Variants in HCN1 observed in about 807,000 individuals in gnomAD.
HCN1 encodes potassium/sodium hyperpolarization-activated cyclic nucleotide-gated channel 1.
Under a neutral mutation model 78.9 loss-of-function variants are expected in HCN1, and 13 were observed. That is an observed-to-expected ratio of 0.16 (90% CI 0.11 to 0.26). HCN1 has a LOEUF of 0.26. HCN1 is among the 10% of genes least tolerant of loss of function. HCN1 has a pLI of 1.00. For missense variants in HCN1, 810 were observed against 1,154.3 expected, an observed-to-expected ratio of 0.70 and a Z score of 4.32; for synonymous variants, 552 against 455.5, an observed-to-expected ratio of 1.21 and a Z score of -2.70.
At chr5:45,340,457 T>G (rs1746553432) in intron 5 of HCN1, among the ~76,000 whole-genome samples, 1 of 152,154 alleles carries the variant, frequency 6.6e-6, no homozygotes, top group Admixed American at 6.6e-5. Flanking sequence ...TTATCTTGTC[T>G]TTCTGTCTTT....
Position 45,305,196 on chromosome 5 carries a change from C to A in HCN1, c.1378-1357G>T, listed in dbSNP as rs144022175. On this transcript the variant is annotated intron_variant, in intron 5 of 7. Coordinates refer to ENST00000303230, the MANE Select transcript of HCN1 (RefSeq NM_021072.4). ...TCTGCCTTGGGGAAATGTGCTATACCGACCCATCAATTCCAAGACTGAGAA... is the reference window on the plus strand; with the variant it reads ...TCTGCCTTGGGGAAATGTGCTATACAGACCCATCAATTCCAAGACTGAGAA... Among the ~76,000 whole-genome samples, 101 of 152,138 alleles carry A rather than the reference C, an allele frequency of 6.6e-4. 1 individual carries two copies. The East Asian group carries it at 0.012, about 18-fold the overall frequency.
chr5:45,531,806 A>G (rs548384759), intron 2 of HCN1, among the ~76,000 whole-genome samples: 43 of 152,190 alleles, frequency 2.8e-4, no homozygotes, highest in African/African-American at 7.9e-4. Context: ...TTGGGAGGCC[A>G]AGGTGGGCGG....
At chr5:45,647,738 C>T (rs1028961813) in intron 1 of HCN1, among the ~76,000 whole-genome samples, 11 of 152,064 alleles carry the variant, frequency 7.2e-5, no homozygotes, top group South Asian at 2.1e-4. Flanking sequence ...ACATATATTC[C>T]TCACATATCC....
intron 2 of HCN1, among the ~76,000 whole-genome samples, chr5:45,623,742 T>C (rs1313136192): frequency 6.6e-6 from 1 of 152,166 alleles, no homozygotes; most frequent in Non-Finnish European, 1.5e-5. Context: ...AAATCTCATG[T>C]TCCTAGAGCT....
At chr5:45,668,455 G>A (rs1346985173) in intron 1 of HCN1, among the ~76,000 whole-genome samples, 1 of 151,836 alleles carries the variant, frequency 6.6e-6, no homozygotes, top group Non-Finnish European at 1.5e-5. Context: ...ATGATTGTAA[G>A]TTTCCTGAAG....
At chr5:45,386,539 C>G (rs1033487998) in intron 4 of HCN1, among the ~76,000 whole-genome samples, 1 of 152,098 alleles carries the variant, frequency 6.6e-6, no homozygotes, top group Non-Finnish European at 1.5e-5. Flanking sequence ...TCTGCATCTA[C>G]TTATACTGTG....
intron 3 of HCN1, among the ~76,000 whole-genome samples, chr5:45,440,020 A>G (rs1048217017): frequency 6.7e-6 from 1 of 148,568 alleles, no homozygotes; most frequent in African/African-American, 2.4e-5. Context: ...ATTATATAGT[A>G]TCATATAATG....
At chr5:45,479,562 G>T (rs1741599476) in intron 2 of HCN1, among the ~76,000 whole-genome samples, 1 of 152,156 alleles carries the variant, frequency 6.6e-6, no homozygotes. Flanking sequence ...TGAAGAAACA[G>T]AACTGACAAT....
At chr5:45,421,447 A>G (rs1740226452) in intron 3 of HCN1, among the ~76,000 whole-genome samples, 1 of 152,194 alleles carries the variant, frequency 6.6e-6, no homozygotes, top group Admixed American at 6.5e-5. Flanking sequence ...TGAGTCAACT[A>G]CAGCAATAAG....
chr5:45,470,196 A>T lies in HCN1; in HGVS notation c.850-8189T>A, dbSNP rs947243072. 2.6e-5 allele frequency among the ~76,000 whole-genome samples: 4 copies of T among 152,096 alleles called. No homozygotes were observed. In the East Asian group the frequency reaches 7.7e-4, roughly 29 times the overall value. ...CCAGTCAAGTGCGGAATATTAATTT[A>T]TTTGAGTGGGTTTGTGTCAGAGATG... On this transcript the variant is annotated intron_variant, in intron 2 of 7. Coordinates refer to ENST00000303230, the MANE Select transcript of HCN1 (RefSeq NM_021072.4).
At chr5:45,387,996 G>A (rs1747961875) in intron 4 of HCN1, among the ~76,000 whole-genome samples, 1 of 152,052 alleles carries the variant, frequency 6.6e-6, no homozygotes, top group Non-Finnish European at 1.5e-5. Flanking sequence ...TTTACCACAG[G>A]TAACCGAAAC....
chr5:45,522,331 C>A (rs955526845), intron 2 of HCN1, among the ~76,000 whole-genome samples: 1 of 151,880 alleles, frequency 6.6e-6, no homozygotes, highest in Non-Finnish European at 1.5e-5. Flanking sequence ...ATCATTAAAA[C>A]CTTTGTTCAA....
At position 45,287,081 on chromosome 5, in the gene HCN1, G is replaced by A. The variant is rs147524012; in HGVS notation, c.1618+16518C>T. 2.2e-3 allele frequency among the ~76,000 whole-genome samples: 328 copies of A among 148,724 alleles called. 9 individuals carry two copies. The South Asian group carries it at 0.055, about 25-fold the overall frequency. ...TTTAGCAATAGGCTAGAAGGTATGC[G>A]TGTGTGTGTGTGTGTGTCTGTGTGT... On this transcript the variant is annotated intron_variant, in intron 6 of 7. Coordinates refer to ENST00000303230, the MANE Select transcript of HCN1 (RefSeq NM_021072.4).
chr5:45,304,309 T>C (rs1026454316), intron 5 of HCN1, among the ~76,000 whole-genome samples: 6 of 149,360 alleles, frequency 4.0e-5, no homozygotes, highest in Non-Finnish European at 1.5e-5. Flanking sequence ...TTTTTTTTTT[T>C]GTTAGTGTCA....
chr5:45,462,064 ATAC>A, intron 2 of HCN1, 57 bp from the exon 3 acceptor site: 1 of 1,322,912 alleles, frequency 7.6e-7, no homozygotes, highest in South Asian at 1.2e-5. Flanking sequence ...AAAATCAAGC[ATAC>A]TACTGATAGT....
chr5:45,650,565 A>G (rs1405726992), intron 1 of HCN1, among the ~76,000 whole-genome samples: 1 of 152,054 alleles, frequency 6.6e-6, no homozygotes, highest in Non-Finnish European at 1.5e-5. Context: ...AATCTAGGTA[A>G]CTATTTTACC....
intron 6 of HCN1, among the ~76,000 whole-genome samples, chr5:45,293,029 A>G (rs1054997381): frequency 2.6e-5 from 4 of 152,082 alleles, no homozygotes; most frequent in African/African-American, 9.7e-5. Context: ...CAGTTTACCT[A>G]ACACCAGCAC....
intron 1 of HCN1, among the ~76,000 whole-genome samples, chr5:45,646,892 A>C (rs1201477037): frequency 6.6e-6 from 1 of 152,172 alleles, no homozygotes; most frequent in African/African-American, 2.4e-5. Context: ...TTTTGTATAA[A>C]CAATATAAAC....
At position 45,263,286 on chromosome 5, in the gene HCN1, T is replaced by C. The variant is rs955978425; in HGVS notation, c.1784-476A>G. ...AACCCGCGACCCTGTCAGATAGGTG[T>C]GTTCATAATCTCATTTTACCTGAAA... is the stretch of plus-strand genomic sequence containing the variant. On this transcript the variant is annotated intron_variant, in intron 7 of 7. Coordinates refer to ENST00000303230, the MANE Select transcript of HCN1 (RefSeq NM_021072.4). Among the ~76,000 whole-genome samples the C allele has an allele frequency of 2.0e-5, 3 of 152,086 alleles. No homozygotes were observed. The South Asian group carries it at 6.2e-4, about 32-fold the overall frequency.
Sources: allele counts gnomAD v4.1 joint callset (sites outside exome capture counted in the v4.1 genomes callset), GRCh38; gene constraint gnomAD v4.1.1; transcripts MANE v1.5; gene names NCBI Gene and HGNC (gene_info 2026-07-23, HGNC 2026-07-21).